ADGRV1: variants seen among roughly 807,000 people sequenced by gnomAD.
The protein encoded by ADGRV1 is G-protein coupled receptor 98.
ADGRV1 carries 359 observed loss-of-function variants against 596.2 expected under a neutral mutation model. The observed-to-expected ratio is 0.60, with a 90% CI of 0.55 to 0.66. The LOEUF is 0.66. ADGRV1 is among the 30% of genes least tolerant of loss of function. The pLI, the probability that ADGRV1 is intolerant of heterozygous loss-of-function variation, is 0.00. For synonymous variants in ADGRV1, 2,681 were observed against 2,679.2 expected, an observed-to-expected ratio of 1.00 and a Z score of -0.02; for missense variants, 7,274 against 7,575.6, an observed-to-expected ratio of 0.96 and a Z score of 1.48.
chr5:90,930,884 G>T (rs973894894), intron 83 of ADGRV1, among the ~76,000 whole-genome samples: 2 of 152,078 alleles, frequency 1.3e-5, no homozygotes, highest in Non-Finnish European at 2.9e-5. Context: ...GGTCCCCTCT[G>T]GGCCATCTGG....
intron 50 of ADGRV1, among the ~76,000 whole-genome samples, chr5:90,735,440 G>A (rs1753097580): frequency 6.6e-6 from 1 of 152,190 alleles, no homozygotes; most frequent in South Asian, 2.1e-4. Flanking sequence ...AAGTCAGGTA[G>A]TGTGATGCAT....
rs1412883608 is a variant in ADGRV1, at chr5:90,684,112, A to T, written c.6191A>T (p.Asp2064Val). Residue 2064 changes from aspartate to valine, a missense_variant, in exon 28 of 90, where the codon GAT becomes GTT. Around this residue, in one of 5 missense-constraint regions of ADGRV1, gnomAD observed 3,643 missense variants for 3,809.2 expected, o/e 0.96. Coordinates refer to ENST00000405460, the MANE Select transcript of ADGRV1 (RefSeq NM_032119.4). Reference protein sequence around the residue: ...SEATIAISILDDDEPERSESV... With the variant: ...SEATIAISILVDDEPERSESV... ...GCAACAATAGCTATTTCAATTTTGG[A>T]TGATGATGAGCCAGAAAGGTCCGAA... The T allele has an allele frequency of 1.2e-6, 2 of 1,613,786 alleles. No homozygotes were observed. Among genetic ancestry groups the T allele is most frequent in the African/African-American group, 2.7e-5 (2 of 74,910 alleles).
At chr5:90,966,875 A>G (rs1778518750) in intron 84 of ADGRV1, among the ~76,000 whole-genome samples, 1 of 152,180 alleles carries the variant, frequency 6.6e-6, no homozygotes, top group Non-Finnish European at 1.5e-5. Context: ...TAAGGTTTTC[A>G]TGTGATACTG....
chr5:91,102,006 C>G (rs1170459961), intron 86 of ADGRV1, among the ~76,000 whole-genome samples: 1 of 152,148 alleles, frequency 6.6e-6, no homozygotes, highest in Non-Finnish European at 1.5e-5. Flanking sequence ...CATCCTCCCC[C>G]AGCCATCCCT....
chr5:90,823,652 A>G, intron 76 of ADGRV1, 56 bp downstream of exon 76: 1 of 1,466,216 alleles, frequency 6.8e-7, no homozygotes, highest in Non-Finnish European at 9.4e-7. Context: ...CTTTAGAATT[A>G]ATCATTTTAA....
At chr5:90,840,515 A>G (rs1004963232) in intron 77 of ADGRV1, 63 bp from the exon 78 acceptor site, 27 of 1,373,854 alleles carry the variant, frequency 2.0e-5, no homozygotes, top group Non-Finnish European at 2.5e-5. Context: ...AGAAACAAGA[A>G]TTTGTTTAGG....
chr5:90,884,412 C>T (rs965726207), intron 83 of ADGRV1, among the ~76,000 whole-genome samples: 3 of 152,126 alleles, frequency 2.0e-5, no homozygotes, highest in Non-Finnish European at 4.4e-5. Flanking sequence ...AGAACCGTTA[C>T]CTCCTTTGAC....
At chr5:90,977,976 TG>T (rs1334382498) in intron 84 of ADGRV1, among the ~76,000 whole-genome samples, 1 of 152,206 alleles carries the variant, frequency 6.6e-6, no homozygotes, top group African/African-American at 2.4e-5. Context: ...ACTTTATGTT[TG>T]GCCTACGTTT....
In ADGRV1 at chr5:90,839,308, G is replaced by A. The variant is rs372068581; in HGVS notation, c.16612-1270G>A. 2.5e-4 allele frequency among the ~76,000 whole-genome samples: 38 copies of A among 152,176 alleles called. 1 individual carries two copies. The East Asian group carries it at 6.0e-3, about 24-fold the overall frequency. On this transcript the variant is annotated intron_variant, in intron 77 of 89. Transcript: ENST00000405460. ...CAGCTCACTGCAACGTCTGCCTCCC[G>A]GATTCAAGCGATTCTCCTGCCGCAG...
chr5:91,039,132 T>A (rs1785134152), intron 85 of ADGRV1, among the ~76,000 whole-genome samples: 1 of 152,174 alleles, frequency 6.6e-6, no homozygotes, highest in Non-Finnish European at 1.5e-5. Flanking sequence ...CTGAAAGCAT[T>A]TCCTTGGAGT....
chr5:90,561,846 A>G lies in ADGRV1; in HGVS notation c.22+2929A>G, dbSNP rs557486657. Among the ~76,000 whole-genome samples the G allele has an allele frequency of 5.3e-5, 8 of 152,312 alleles. No individual in the cohort carries two copies. The South Asian group carries it at 1.7e-3, about 32-fold the overall frequency. On this transcript the variant is annotated intron_variant, in intron 1 of 89. Transcript: ENST00000405460. ...AGTGTGTTACCATGGAGAGATTTGGATGTGTATTTCCCTGATTTTGGGGGG... is the reference window on the plus strand; with the variant it reads ...AGTGTGTTACCATGGAGAGATTTGGGTGTGTATTTCCCTGATTTTGGGGGG...
chr5:90,610,639 G>A (rs1762625618), intron 1 of ADGRV1, among the ~76,000 whole-genome samples: 1 of 151,968 alleles, frequency 6.6e-6, no homozygotes, highest in Non-Finnish European at 1.5e-5. Flanking sequence ...GAATAATACT[G>A]TTGAATGTTA....
chr5:90,713,272 C>T (rs1749631551), intron 42 of ADGRV1, among the ~76,000 whole-genome samples: 1 of 151,032 alleles, frequency 6.6e-6, no homozygotes, highest in South Asian at 2.1e-4. Context: ...CTGAGTAACC[C>T]AAGGATTGGT....
chr5:90,595,904 CCTCCCGGATGGGGT>C (rs1392333126), intron 1 of ADGRV1, among the ~76,000 whole-genome samples: 1 of 131,048 alleles, frequency 7.6e-6, no homozygotes, highest in Non-Finnish European at 1.8e-5. Context: ...CCCCCACCTC[CCTCCCGGATGGGGT>C]GGCTGCCGGG....
At chr5:91,027,792 CT>C (rs1784139330) in intron 85 of ADGRV1, among the ~76,000 whole-genome samples, 1 of 152,126 alleles carries the variant, frequency 6.6e-6, no homozygotes, top group African/African-American at 2.4e-5. Flanking sequence ...AGGAGCATTG[CT>C]TTTTCCTGTG....
At chr5:91,114,872 G>A (rs1307803388) in intron 87 of ADGRV1, among the ~76,000 whole-genome samples, 1 of 152,032 alleles carries the variant, frequency 6.6e-6, no homozygotes, top group Non-Finnish European at 1.5e-5. Context: ...CTTTGGAATC[G>A]TGGCCCCTCA....
At chr5:91,163,206 T>C (rs1797097685) in intron 89 of ADGRV1, among the ~76,000 whole-genome samples, 1 of 152,232 alleles carries the variant, frequency 6.6e-6, no homozygotes. Flanking sequence ...GTGGAATTCC[T>C]GTGTGGATCT....
chr5:90,894,552 C>T (rs1277372936), intron 83 of ADGRV1, among the ~76,000 whole-genome samples: 1 of 152,150 alleles, frequency 6.6e-6, no homozygotes, highest in Non-Finnish European at 1.5e-5. Context: ...GACTATTCTG[C>T]TCCCATGACA....
At chr5:90,603,197 A>G (rs1761634168) in intron 1 of ADGRV1, among the ~76,000 whole-genome samples, 1 of 152,236 alleles carries the variant, frequency 6.6e-6, no homozygotes, top group African/African-American at 2.4e-5. Context: ...TTTGGGGGTC[A>G]TCCAGAACAT....
Sources: gnomAD v4.1 joint callset for allele counts (sites outside exome capture counted in the v4.1 genomes callset) on GRCh38, gnomAD v4.1.1 for gene constraint, gnomAD v4.1.1 regional missense constraint, MANE v1.5 for transcripts, NCBI Gene and HGNC (gene_info 2026-07-23, HGNC 2026-07-21) for gene names.